PTPRD: variants seen among roughly 807,000 people sequenced by gnomAD.
PTPRD encodes protein tyrosine phosphatase receptor type D.
A neutral mutation model predicts 214.5 loss-of-function variants in PTPRD; 34 were observed. The observed-to-expected ratio is 0.16, with a 90% confidence interval of 0.12 to 0.21. PTPRD has a LOEUF of 0.21. Among genes scored for constraint, PTPRD ranks in the 10% least tolerant of loss-of-function variants. The probability of loss-of-function intolerance (pLI) is 1.00; values close to 1 mark genes in which losing one functional copy is unlikely to be tolerated. For missense variants in PTPRD, 2,545 were observed against 2,398.7 expected (o/e 1.06, Z -1.27); for synonymous variants, 1,128 against 845.7 (o/e 1.33, Z -5.79).
At chr9:10,050,071 G>A (rs182053915) in intron 3 of PTPRD, among the ~76,000 whole-genome samples, 4 of 152,070 alleles carry the variant, frequency 2.6e-5, no homozygotes, top group Non-Finnish European at 5.9e-5. Flanking sequence ...CCAGCACCTG[G>A]AATAATAGGT....
Position 9,729,867 on chromosome 9 carries a change from G to C in PTPRD, c.-287+4666C>G, listed in dbSNP as rs142876829. ...ATATCATGACATAAATTTACATCAGGATAGCATACTAGCAGTAATAACAAC... is the reference window on the plus strand; with the variant it reads ...ATATCATGACATAAATTTACATCAGCATAGCATACTAGCAGTAATAACAAC... On this transcript the variant is annotated intron_variant, in intron 7 of 45. Coordinates refer to ENST00000381196, the MANE Select transcript of PTPRD (RefSeq NM_002839.4). 3.1e-3 allele frequency among the ~76,000 whole-genome samples: 466 copies of C among 152,022 alleles called. 3 individuals carry two copies. Among genetic ancestry groups the C allele is most frequent in the African/African-American group, 0.011 (446 of 41,482 alleles).
At chr9:9,256,032 T>C (rs1254001261) in intron 9 of PTPRD, among the ~76,000 whole-genome samples, 3 of 152,058 alleles carry the variant, frequency 2.0e-5, no homozygotes, top group African/African-American at 4.8e-5. Context: ...AGCATAACTT[T>C]ATTGAACTTT....
At chr9:9,577,326 G>T (rs1195379768) in intron 7 of PTPRD, among the ~76,000 whole-genome samples, 2 of 152,148 alleles carry the variant, frequency 1.3e-5, no homozygotes, top group African/African-American at 2.4e-5. Context: ...CACTTTGGGA[G>T]GCTGAGGCAA....
intron 5 of PTPRD, among the ~76,000 whole-genome samples, chr9:9,883,724 G>A (rs1186746778): frequency 6.6e-6 from 1 of 152,056 alleles, no homozygotes; most frequent in African/African-American, 2.4e-5. Flanking sequence ...TTTATTACCA[G>A]TATTAAAATA....
intron 2 of PTPRD, among the ~76,000 whole-genome samples, chr9:10,443,769 G>T (rs1351588328): frequency 6.6e-6 from 1 of 150,994 alleles, no homozygotes; most frequent in Admixed American, 6.6e-5. Flanking sequence ...TTCATAAAGT[G>T]CCTGGCTTCA....
chr9:8,408,271 T>C (rs1299596614), intron 35 of PTPRD, among the ~76,000 whole-genome samples: 1 of 152,196 alleles, frequency 6.6e-6, no homozygotes, highest in Non-Finnish European at 1.5e-5. Context: ...AAATATTAAT[T>C]ATTCAAAACA....
intron 9 of PTPRD, among the ~76,000 whole-genome samples, chr9:9,233,859 T>C (rs1569565018): frequency 6.6e-6 from 1 of 152,202 alleles, no homozygotes; most frequent in Non-Finnish European, 1.5e-5. Context: ...CCTGTGGCTT[T>C]GTAGGGTATA....
chr9:8,788,253 ATTTT>A (rs776984034), intron 11 of PTPRD, among the ~76,000 whole-genome samples: 127 of 85,232 alleles, frequency 1.5e-3, no homozygotes, highest in African/African-American at 6.4e-3. Flanking sequence ...ATATAAGATG[ATTTT>A]TTTTTTTTTT....
At chr9:10,203,419 G>C (rs138493835) in intron 3 of PTPRD, among the ~76,000 whole-genome samples, 2 of 152,072 alleles carry the variant, frequency 1.3e-5, no homozygotes, top group African/African-American at 4.8e-5. Context: ...CTACCCCCCA[G>C]GACATTTGGT....
intron 10 of PTPRD, among the ~76,000 whole-genome samples, chr9:9,180,552 C>A (rs1187672645): frequency 6.6e-6 from 1 of 151,754 alleles, no homozygotes; most frequent in East Asian, 1.9e-4. Flanking sequence ...ACATATGTAA[C>A]AAACCTGCAC....
At chr9:9,289,482 CAT>C (rs917528947) in intron 9 of PTPRD, among the ~76,000 whole-genome samples, 10 of 151,766 alleles carry the variant, frequency 6.6e-5, no homozygotes, top group African/African-American at 2.4e-4. Context: ...TTACTATTTG[CAT>C]GTGTGTGTGT....
chr9:9,852,558 G>A (rs1357742601), intron 5 of PTPRD, among the ~76,000 whole-genome samples: 2 of 151,878 alleles, frequency 1.3e-5, no homozygotes, highest in African/African-American at 4.8e-5. Flanking sequence ...AATATGCTCA[G>A]GTTAATTATA....
intron 2 of PTPRD, among the ~76,000 whole-genome samples, chr9:10,361,039 T>C (rs1276218107): frequency 2.0e-5 from 3 of 152,072 alleles, no homozygotes; most frequent in Non-Finnish European, 4.4e-5. Context: ...GAGGCGGAGC[T>C]TGTAGTGAGC....
chr9:10,119,890 G>C (rs1027673438), intron 3 of PTPRD, among the ~76,000 whole-genome samples: 3 of 152,000 alleles, frequency 2.0e-5, no homozygotes, highest in South Asian at 2.1e-4. Flanking sequence ...GGCATGCTTA[G>C]AAAATATCTA....
chr9:9,302,588 T>C (rs1955740380), intron 9 of PTPRD, among the ~76,000 whole-genome samples: 1 of 133,026 alleles, frequency 7.5e-6, no homozygotes, highest in Admixed American at 8.6e-5. Flanking sequence ...TCATGTTTTG[T>C]AGTTTTTTTT....
intron 7 of PTPRD, among the ~76,000 whole-genome samples, chr9:9,635,274 T>C (rs2095724679): frequency 6.6e-6 from 1 of 152,206 alleles, no homozygotes; most frequent in Non-Finnish European, 1.5e-5. Flanking sequence ...TACTGTGTGT[T>C]ACTTTTTGGC....
intron 8 of PTPRD, among the ~76,000 whole-genome samples, chr9:9,495,919 G>A (rs1243259278): frequency 2.0e-5 from 3 of 152,158 alleles, no homozygotes; most frequent in Non-Finnish European, 4.4e-5. Context: ...AACACCCCTT[G>A]TGGGGCTTTG....
chr9:8,686,813 C>G (rs2097690146), intron 12 of PTPRD, among the ~76,000 whole-genome samples: 1 of 152,150 alleles, frequency 6.6e-6, no homozygotes, highest in Non-Finnish European at 1.5e-5. Context: ...GCATTTAAAG[C>G]TAACTCTCTA....
At chr9:10,371,157 T>C (rs1020915127) in intron 2 of PTPRD, among the ~76,000 whole-genome samples, 5 of 151,972 alleles carry the variant, frequency 3.3e-5, no homozygotes, top group African/African-American at 1.2e-4. Flanking sequence ...TATAGGCTTA[T>C]GCTCTTATTG....
Sources: allele counts gnomAD v4.1 joint callset (sites outside exome capture counted in the v4.1 genomes callset), GRCh38; gene constraint gnomAD v4.1.1; transcripts MANE v1.5; gene names NCBI Gene and HGNC (gene_info 2026-07-23, HGNC 2026-07-21).